Variants in CDKAL1 observed in about 807,000 individuals in gnomAD.
The protein encoded by CDKAL1 is CDKAL1 threonylcarbamoyladenosine tRNA methylthiotransferase.
A neutral mutation model predicts 68.2 loss-of-function variants in CDKAL1; 32 were observed. The ratio of observed to expected loss-of-function variants is 0.47; its 90% CI spans 0.35 to 0.63. The LOEUF is 0.63. Ranked by LOEUF, CDKAL1 falls within the 30% of genes least tolerant of loss-of-function variation. The pLI, the probability that CDKAL1 is intolerant of heterozygous loss-of-function variation, is 0.00. For synonymous variants in CDKAL1, 234 were observed against 244.3 expected (o/e 0.96, Z 0.39); for missense variants, 606 against 696.7 (o/e 0.87, Z 1.47).
intron 11 of CDKAL1, among the ~76,000 whole-genome samples, chr6:21,045,793 G>A (rs750643354): frequency 2.6e-5 from 4 of 152,180 alleles, no homozygotes; most frequent in Non-Finnish European, 4.4e-5. Flanking sequence ...GGGGTGCTGA[G>A]AAAATAACTT....
At chr6:20,971,179 A>C (rs1199229655) in intron 10 of CDKAL1, among the ~76,000 whole-genome samples, 3 of 152,198 alleles carry the variant, frequency 2.0e-5, no homozygotes, top group Non-Finnish European at 4.4e-5. Flanking sequence ...TACTTTTATT[A>C]AGAACCAAAT....
intron 4 of CDKAL1, among the ~76,000 whole-genome samples, chr6:20,549,914 T>C (rs987652701): frequency 6.6e-6 from 1 of 151,062 alleles, no homozygotes; most frequent in Non-Finnish European, 1.5e-5. Flanking sequence ...GCCTCCTCTT[T>C]ACATTTATTA....
intron 10 of CDKAL1, among the ~76,000 whole-genome samples, chr6:20,980,872 G>A (rs1422120280): frequency 1.3e-5 from 2 of 152,212 alleles, no homozygotes; most frequent in Non-Finnish European, 1.5e-5. Flanking sequence ...TACTCTCACC[G>A]CCGCTTTGTT....
At chr6:21,044,938 C>T (rs1264040897) in intron 11 of CDKAL1, among the ~76,000 whole-genome samples, 1 of 152,188 alleles carries the variant, frequency 6.6e-6, no homozygotes, top group Admixed American at 6.5e-5. Flanking sequence ...AAGGCTCATT[C>T]CTCACAGATG....
chr6:21,058,718 A>T (rs909092853), intron 11 of CDKAL1, among the ~76,000 whole-genome samples: 1 of 152,218 alleles, frequency 6.6e-6, no homozygotes, highest in African/African-American at 2.4e-5. Flanking sequence ...GTGGTGACAA[A>T]TACCCTCACC....
chr6:20,534,522 A>G lies in CDKAL1; in HGVS notation c.-102A>G, dbSNP rs1275192313. The G allele has an allele frequency of 2.0e-5, 3 of 152,670 alleles. No individual in the cohort carries two copies. The highest frequency in any genetic ancestry group is 4.4e-5 in the Non-Finnish European group (3 of 68,058). The allele number at this position is 152,670 out of a possible 1,614,324, so 9.5% of individuals were successfully genotyped here. ...TCTAAAGTCTGTGCAGCTTCCGGAG[A>G]GTGGCGGGTTGATTTTCTCACTTTG... On this transcript the variant is annotated 5_prime_UTR_variant, in exon 1 of 16. Coordinates refer to ENST00000274695, the MANE Select transcript of CDKAL1 (RefSeq NM_017774.3).
At chr6:20,807,218 CA>C (rs949138554) in intron 8 of CDKAL1, among the ~76,000 whole-genome samples, 4 of 151,586 alleles carry the variant, frequency 2.6e-5, no homozygotes, top group Admixed American at 2.6e-4. Context: ...AGGTCAGGGC[CA>C]AAATTGATTT....
At chr6:20,648,901 C>A (rs1463837937) in intron 4 of CDKAL1, among the ~76,000 whole-genome samples, 1 of 152,100 alleles carries the variant, frequency 6.6e-6, no homozygotes, top group Non-Finnish European at 1.5e-5. Flanking sequence ...ATTTCTCAAG[C>A]TGAAGAATAT....
intron 4 of CDKAL1, among the ~76,000 whole-genome samples, chr6:20,597,798 T>C (rs1267974743): frequency 6.6e-6 from 1 of 152,254 alleles, no homozygotes; most frequent in Non-Finnish European, 1.5e-5. Context: ...TTTTCCTTTT[T>C]GTTTAATCTA....
At chr6:20,661,552 A>G (rs1769284249) in intron 5 of CDKAL1, among the ~76,000 whole-genome samples, 1 of 151,786 alleles carries the variant, frequency 6.6e-6, no homozygotes, top group Non-Finnish European at 1.5e-5. Flanking sequence ...TTTTATTGGA[A>G]ATACAAAAGA....
In CDKAL1 at chr6:20,572,601, T is replaced by C. The variant is rs112000559; in HGVS notation, c.286+23896T>C. Among the ~76,000 whole-genome samples, 596 of 152,292 alleles carry C rather than the reference T, an allele frequency of 3.9e-3. 3 individuals are homozygous for C. The highest frequency in any genetic ancestry group is 0.014 in the African/African-American group (562 of 41,554). ...GTGCTTTCTTATACTTTATTTATCA[T>C]ATGTATTGGGTCCACATTGCAGTAC... On this transcript the variant is annotated intron_variant, in intron 4 of 15. Coordinates refer to ENST00000274695, the MANE Select transcript of CDKAL1 (RefSeq NM_017774.3).
chr6:20,723,483 C>G (rs1295596037), intron 5 of CDKAL1: 1 of 153,346 alleles, frequency 6.5e-6, no homozygotes, highest in African/African-American at 2.4e-5. Flanking sequence ...GTTCCCTCCA[C>G]AAGGGGTTGA....
At chr6:21,136,165 G>C (rs1308976557) in intron 13 of CDKAL1, among the ~76,000 whole-genome samples, 1 of 152,214 alleles carries the variant, frequency 6.6e-6, no homozygotes, top group Non-Finnish European at 1.5e-5. Context: ...TAGACTTCAA[G>C]TGAAGTTAGG....
At chr6:20,651,681 G>C (rs1223386994) in intron 5 of CDKAL1, among the ~76,000 whole-genome samples, 1 of 152,120 alleles carries the variant, frequency 6.6e-6, no homozygotes, top group Non-Finnish European at 1.5e-5. Context: ...GTATGATATG[G>C]GCTGTGGGTT....
In CDKAL1 at chr6:20,935,948, C is replaced by T. The variant is rs144477521; in HGVS notation, c.743-19471C>T. Among the ~76,000 whole-genome samples, 6 of 152,214 alleles carry T rather than the reference C, an allele frequency of 3.9e-5. No homozygotes were observed. In the East Asian group the frequency reaches 9.7e-4, roughly 25 times the overall value. ...CCAGCCATCAGATTTTTTCTTTCCT[C>T]GGAGACAAATGTTATGTTGATTTCT... is the stretch of plus-strand genomic sequence containing the variant. On this transcript the variant is annotated intron_variant, in intron 9 of 15. Transcript: ENST00000274695.
chr6:20,757,109 T>G (rs1013162873), intron 6 of CDKAL1, among the ~76,000 whole-genome samples: 14 of 152,006 alleles, frequency 9.2e-5, no homozygotes, highest in African/African-American at 3.1e-4. Flanking sequence ...ATTTTTGTAT[T>G]TTTAATAGAG....
chr6:21,046,286 T>C (rs1770224994), intron 11 of CDKAL1, among the ~76,000 whole-genome samples: 1 of 152,350 alleles, frequency 6.6e-6, no homozygotes, highest in Admixed American at 6.5e-5. Flanking sequence ...GTCTTGATAT[T>C]CTGTAATATA....
intron 9 of CDKAL1, among the ~76,000 whole-genome samples, chr6:20,943,421 T>G (rs1581882173): frequency 6.6e-6 from 1 of 151,694 alleles, no homozygotes; most frequent in Admixed American, 6.6e-5. Flanking sequence ...CTGATGAAGG[T>G]TTATTGAATT....
chr6:21,127,016 G>T (rs141804157), intron 13 of CDKAL1, among the ~76,000 whole-genome samples: 1 of 152,120 alleles, frequency 6.6e-6, no homozygotes, highest in Admixed American at 6.5e-5. Context: ...TTTCAAATAC[G>T]AAGAAGAGAG....
Sources: gnomAD v4.1 joint callset for allele counts (sites outside exome capture counted in the v4.1 genomes callset) on GRCh38, gnomAD v4.1.1 for gene constraint, MANE v1.5 for transcripts, NCBI Gene and HGNC (gene_info 2026-07-23, HGNC 2026-07-21) for gene names.